WDR44: variants seen among roughly 807,000 people sequenced by gnomAD.
WDR44 encodes the protein WD repeat domain 44.
Under a neutral mutation model 65.7 loss-of-function variants are expected in WDR44, and 9 were observed. The observed-to-expected ratio is 0.14, with a 90% confidence interval of 0.08 to 0.24. WDR44 has a LOEUF of 0.24. Among genes scored for constraint, WDR44 ranks in the 10% least tolerant of loss-of-function variants. WDR44 has a pLI of 1.00. For synonymous variants in WDR44, 220 were observed against 235.2 expected (o/e 0.94, Z 0.59); for missense variants, 425 against 670.9 (o/e 0.63, Z 4.05).
At chrX:118,405,742 A>T (rs1216849482) in intron 9 of WDR44, among the ~76,000 whole-genome samples, 5 of 112,211 alleles carry the variant, frequency 4.5e-5, no homozygotes, top group African/African-American at 1.6e-4. Context: ...AAAAATATAT[A>T]AAAAATAACA....
At chrX:118,370,616 G>A (rs1054036798) in intron 1 of WDR44, among the ~76,000 whole-genome samples, 11 of 108,118 alleles carry the variant, frequency 1.0e-4, no homozygotes, top group Admixed American at 7.0e-4. Context: ...ACAGAGTCTC[G>A]CTCTGTCGCC....
intron 12 of WDR44, among the ~76,000 whole-genome samples, chrX:118,414,279 G>A (rs867448090): frequency 2.2e-5 from 1 of 45,272 alleles, no homozygotes; most frequent in Non-Finnish European, 4.0e-5. Flanking sequence ...TTTTTTTTAT[G>A]TTCCATGGTT....
chrX:118,392,303 G>A (rs2056827183), intron 3 of WDR44, among the ~76,000 whole-genome samples: 1 of 111,889 alleles, frequency 8.9e-6, no homozygotes, highest in South Asian at 3.7e-4. Flanking sequence ...TGATTTTACA[G>A]GATTATTTGA....
chrX:118,357,361 C>G (rs896714977), intron 1 of WDR44, among the ~76,000 whole-genome samples: 1 of 111,548 alleles, frequency 9.0e-6, no homozygotes, highest in Non-Finnish European at 1.9e-5. Flanking sequence ...AAGATAATAA[C>G]AGTAGGTTTT....
In WDR44 at chrX:118,353,378, A is replaced by G. The variant is rs1290818565; in HGVS notation, c.77+6798A>G. ...TCTTGGTTACTATAGCAACCAGTCT[A>G]TCAGTTATTCTTCTAGCTCTTTTGC... On this transcript the variant is annotated intron_variant, in intron 1 of 19. Coordinates refer to ENST00000254029, the MANE Select transcript of WDR44 (RefSeq NM_019045.5). Among the ~76,000 whole-genome samples, 3 of 111,380 alleles carry G rather than the reference A, an allele frequency of 2.7e-5. No individual in the cohort carries two copies. In the East Asian group the frequency reaches 8.4e-4, roughly 31 times the overall value.
chrX:118,431,429 A>T (rs754838212), intron 12 of WDR44, among the ~76,000 whole-genome samples: 3 of 111,638 alleles, frequency 2.7e-5, no homozygotes, highest in Non-Finnish European at 5.6e-5. Context: ...TTAGCCTCCC[A>T]AGTAGCTGGG....
chrX:118,396,908 C>T lies in WDR44; in HGVS notation c.1054-62C>T, dbSNP rs958231603. 4.1e-5 allele frequency: 45 copies of T among 1,094,360 alleles called. No homozygotes were observed. The African/African-American group carries it at 7.7e-4, about 19-fold the overall frequency. 90.2% of individuals were successfully genotyped at this position (1,094,360 alleles called of 1,213,427 possible). On this transcript the variant is annotated intron_variant, in intron 6 of 19. Coordinates refer to ENST00000254029, the MANE Select transcript of WDR44 (RefSeq NM_019045.5). The stretch of plus-strand genomic sequence containing the variant: ...CTTAAATTTTAGGGGATTTTGTAGA[C>T]TCAAAAAGATAATTAAATTGCAGGT...
At chrX:118,400,837 A>C (rs1226924984) in intron 8 of WDR44, among the ~76,000 whole-genome samples, 1 of 94,854 alleles carries the variant, frequency 1.1e-5, no homozygotes, top group East Asian at 3.4e-4. Context: ...ACCCCACCAC[A>C]GTCCCCAGAG....
At chrX:118,358,725 C>T (rs2056485588) in intron 1 of WDR44, among the ~76,000 whole-genome samples, 3 of 109,539 alleles carry the variant, frequency 2.7e-5, no homozygotes, top group Admixed American at 9.8e-5. Flanking sequence ...AAAGAAAAAA[C>T]CACCACCACA....
chrX:118,366,812 T>C (rs1433023620), intron 1 of WDR44, among the ~76,000 whole-genome samples: 2 of 112,160 alleles, frequency 1.8e-5, no homozygotes, highest in African/African-American at 6.5e-5. Flanking sequence ...AATGAAATGG[T>C]TTCGGCCGGG....
chrX:118,367,765 C>A (rs1018452968), intron 1 of WDR44, among the ~76,000 whole-genome samples: 2 of 111,331 alleles, frequency 1.8e-5, no homozygotes, highest in Non-Finnish European at 3.8e-5. Context: ...TAATTTCCCT[C>A]ACATGTAAAA....
chrX:118,387,181 C>CAAAAAAA (rs61229618), intron 2 of WDR44, among the ~76,000 whole-genome samples, 159 bp from the exon 3 acceptor site: 1 of 38,305 alleles, frequency 2.6e-5, no homozygotes, highest in Non-Finnish European at 5.4e-5. Flanking sequence ...AACTCTGTCT[C>CAAAAAAA]AAAAAAAAAA....
intron 1 of WDR44, among the ~76,000 whole-genome samples, chrX:118,375,662 A>C (rs2056653304): frequency 9.0e-6 from 1 of 111,696 alleles, no homozygotes; most frequent in Non-Finnish European, 1.9e-5. Flanking sequence ...GTCCTAACTA[A>C]TCAACTCTAG....
intron 14 of WDR44, among the ~76,000 whole-genome samples, chrX:118,440,132 A>AAAG (rs1569386279): frequency 9.2e-6 from 1 of 108,557 alleles, no homozygotes; most frequent in East Asian, 2.9e-4. Flanking sequence ...AAAAAAAAAA[A>AAAG]AAAGAAAGAA....
chrX:118,409,449 G>A, intron 10 of WDR44, 40 bp from the exon 11 acceptor site: 1 of 1,196,036 alleles, frequency 8.4e-7, no homozygotes, highest in Non-Finnish European at 1.1e-6. Context: ...GTCTCTAAAG[G>A]TGTAAAGTAT....
chrX:118,383,209 GTTT>G (rs1042905328), intron 2 of WDR44, among the ~76,000 whole-genome samples: 6 of 112,180 alleles, frequency 5.3e-5, no homozygotes, highest in Non-Finnish European at 1.1e-4. Flanking sequence ...CTCCAAGAGA[GTTT>G]TGTTAAAGCC....
intron 4 of WDR44, 59 bp downstream of exon 4, chrX:118,393,330 C>T: frequency 8.9e-7 from 1 of 1,127,156 alleles, no homozygotes. Flanking sequence ...CGCCTGTAAT[C>T]CCAGCACTTT....
In WDR44 at chrX:118,393,606, A is replaced by G. The variant is rs1004838630; in HGVS notation, c.826+335A>G. ...AAATCTTGTCTCAAAAAAAAAAAAA[A>G]AGAGAGAAATAACTCTTTGTGGTGA... On this transcript the variant is annotated intron_variant, in intron 4 of 19. Coordinates refer to ENST00000254029, the MANE Select transcript of WDR44 (RefSeq NM_019045.5). Among the ~76,000 whole-genome samples the G allele has an allele frequency of 1.7e-3, 184 of 110,873 alleles. 1 individual carries two copies. Among genetic ancestry groups the G allele is most frequent in the Admixed American group, 7.7e-4 (8 of 10,359 alleles).
chrX:118,372,342 C>G (rs1244995255), intron 1 of WDR44, among the ~76,000 whole-genome samples: 1 of 111,212 alleles, frequency 9.0e-6, no homozygotes, highest in African/African-American at 3.3e-5. Context: ...CCATTTCTCC[C>G]TCCCATCCCC....
Sources: gnomAD v4.1 joint callset for allele counts (sites outside exome capture counted in the v4.1 genomes callset) on GRCh38, gnomAD v4.1.1 for gene constraint, MANE v1.5 for transcripts, NCBI Gene and HGNC (gene_info 2026-07-23, HGNC 2026-07-21) for gene names.